Variants in NTM observed in about 807,000 individuals in gnomAD.
NTM encodes neurotrimin, also known as IgLON family member 2.
NTM carries 13 observed loss-of-function variants against 42.1 expected under a neutral mutation model. The ratio of observed to expected loss-of-function variants is 0.31; its 90% CI spans 0.20 to 0.49. NTM has a LOEUF of 0.49. Ranked by LOEUF, NTM falls within the 20% of genes least tolerant of loss-of-function variation. The pLI, the probability that NTM is intolerant of heterozygous loss-of-function variation, is 0.99. For missense variants in NTM, 373 were observed against 452.8 expected (o/e 0.82, Z 1.60); for synonymous variants, 187 against 179.2 (o/e 1.04, Z -0.35).
intron 1 of NTM, among the ~76,000 whole-genome samples, chr11:131,703,784 T>C (rs116969134): frequency 7.9e-4 from 121 of 152,260 alleles, no homozygotes; most frequent in Non-Finnish European, 1.4e-3. Context: ...AAGATAGCCT[T>C]GCATGAGGGG....
chr11:131,708,911 C>A (rs1021892598), intron 1 of NTM, among the ~76,000 whole-genome samples: 1 of 152,012 alleles, frequency 6.6e-6, no homozygotes, highest in Admixed American at 6.6e-5. Context: ...GGTGATGGGG[C>A]AGATCAGGGA....
intron 1 of NTM, among the ~76,000 whole-genome samples, chr11:131,523,252 A>G (rs1375273698): frequency 1.3e-5 from 2 of 152,248 alleles, no homozygotes; most frequent in Non-Finnish European, 2.9e-5. Context: ...CTCCTAGGAC[A>G]TTAGCTGACA....
intron 3 of NTM, among the ~76,000 whole-genome samples, chr11:132,148,527 T>C (rs1295466996): frequency 1.3e-5 from 2 of 152,032 alleles, no homozygotes; most frequent in African/African-American, 4.8e-5. Flanking sequence ...CTAGGAACTA[T>C]TAGAGATATT....
At chr11:131,832,991 A>C (rs4937658) in intron 1 of NTM, among the ~76,000 whole-genome samples, 88,842 of 152,108 alleles carry the variant, frequency 0.58, 26,659 homozygotes, top group Admixed American at 0.69. Flanking sequence ...TAAAGTATTT[A>C]TAACATGTTA....
chr11:131,838,992 GCACTGT>G (rs1168939875), intron 1 of NTM, among the ~76,000 whole-genome samples: 1 of 146,484 alleles, frequency 6.8e-6, no homozygotes, highest in East Asian at 2.0e-4. Flanking sequence ...ATGGAGTCTC[GCACTGT>G]CACCCGGGCT....
intron 2 of NTM, among the ~76,000 whole-genome samples, chr11:131,959,785 A>G (rs897181962): frequency 2.0e-5 from 3 of 152,224 alleles, no homozygotes; most frequent in Non-Finnish European, 4.4e-5. Flanking sequence ...GTGCAGCAGG[A>G]TGAAGCTGTT....
In NTM at chr11:131,623,030, A is replaced by G. The variant is rs75277252; in HGVS notation, c.82+252142A>G. Reference sequence around the variant, plus strand: ...CTGAAGAAACAACTTATCTCAAACGATCTCAGAAACTCACCTGCTTAGGAG... The same window carrying G: ...CTGAAGAAACAACTTATCTCAAACGGTCTCAGAAACTCACCTGCTTAGGAG... On this transcript the variant is annotated intron_variant, in intron 1 of 8. Transcript: ENST00000683400. Among the ~76,000 whole-genome samples the G allele has an allele frequency of 6.6e-3, 1,007 of 152,296 alleles. 3 individuals are homozygous for G. Among genetic ancestry groups the G allele is most frequent in the African/African-American group, 0.023 (959 of 41,558 alleles).
chr11:131,599,199 G>C (rs2060237139), intron 1 of NTM, among the ~76,000 whole-genome samples: 1 of 152,116 alleles, frequency 6.6e-6, no homozygotes, highest in Admixed American at 6.5e-5. Flanking sequence ...ACAGGCTTGA[G>C]CCACCGCACC....
chr11:131,849,871 A>C (rs552994624), intron 1 of NTM, among the ~76,000 whole-genome samples: 1 of 151,484 alleles, frequency 6.6e-6, no homozygotes, highest in African/African-American at 2.4e-5. Flanking sequence ...ACCTAATGCT[A>C]AATGACGAGT....
chr11:132,264,652 G>C (rs1247118421), intron 4 of NTM, among the ~76,000 whole-genome samples: 2 of 152,144 alleles, frequency 1.3e-5, no homozygotes, highest in Non-Finnish European at 2.9e-5. Context: ...AAGATATAAA[G>C]AGATGAATGA....
chr11:131,466,752 T>C (rs896550405), intron 1 of NTM, among the ~76,000 whole-genome samples: 1 of 152,214 alleles, frequency 6.6e-6, no homozygotes, highest in South Asian at 2.1e-4. Flanking sequence ...ATAGAGCAAA[T>C]AGAATCAAGT....
At chr11:131,436,725 A>C (rs530844516) in intron 1 of NTM, among the ~76,000 whole-genome samples, 25 of 152,044 alleles carry the variant, frequency 1.6e-4, no homozygotes, top group Admixed American at 1.4e-3. Flanking sequence ...TGATATTTTC[A>C]AAAAACCAGC....
chr11:131,545,622 G>A (rs923492061), intron 1 of NTM, among the ~76,000 whole-genome samples: 6 of 152,092 alleles, frequency 3.9e-5, no homozygotes, highest in Admixed American at 3.9e-4. Context: ...AAGCCATACT[G>A]AATCAACAAA....
In NTM at chr11:131,442,411, G is replaced by C. The variant is rs149722654; in HGVS notation, c.82+71523G>C. On this transcript the variant is annotated intron_variant, in intron 1 of 8. Coordinates refer to ENST00000683400, the MANE Select transcript of NTM (RefSeq NM_001352005.2). ...GGGGACATGACAGCTTTCAGTGCAT[G>C]GTCAAATTCTTTTTATTTTATTTTA... Among the ~76,000 whole-genome samples the C allele has an allele frequency of 1.6e-3, 237 of 152,236 alleles. 1 individual carries two copies. Among genetic ancestry groups the C allele is most frequent in the Non-Finnish European group, 2.6e-3 (178 of 68,022 alleles).
intron 2 of NTM, among the ~76,000 whole-genome samples, chr11:132,087,535 C>A (rs1594533212): frequency 6.6e-6 from 1 of 152,088 alleles, no homozygotes; most frequent in African/African-American, 2.4e-5. Flanking sequence ...TCATCAATCC[C>A]CCAGTGACCC....
At chr11:131,712,260 C>T (rs889954102) in intron 1 of NTM, among the ~76,000 whole-genome samples, 2 of 150,932 alleles carry the variant, frequency 1.3e-5, no homozygotes, top group Admixed American at 6.6e-5. Flanking sequence ...TTTAGTTGCA[C>T]ATAACCTTTG....
intron 1 of NTM, among the ~76,000 whole-genome samples, chr11:131,649,342 A>G (rs2324524): frequency 6.6e-6 from 1 of 152,356 alleles, no homozygotes; most frequent in South Asian, 2.1e-4. Context: ...CAGAAACAGA[A>G]TGCAGTGTCT....
At chr11:131,629,661 G>A (rs918303675) in intron 1 of NTM, among the ~76,000 whole-genome samples, 1 of 152,134 alleles carries the variant, frequency 6.6e-6, no homozygotes, top group African/African-American at 2.4e-5. Context: ...ATGGCTACAT[G>A]CACACAATTT....
chr11:131,421,771 G>T (rs1947557164), intron 1 of NTM, among the ~76,000 whole-genome samples: 2 of 152,174 alleles, frequency 1.3e-5, no homozygotes, highest in Non-Finnish European at 2.9e-5. Context: ...TTAGCCTAGG[G>T]AGATGCATAT....
Sources: gnomAD v4.1 joint callset for allele counts (sites outside exome capture counted in the v4.1 genomes callset) on GRCh38, gnomAD v4.1.1 for gene constraint, MANE v1.5 for transcripts, NCBI Gene and HGNC (gene_info 2026-07-23, HGNC 2026-07-21) for gene names.